NSMAF: variants seen among roughly 807,000 people sequenced by gnomAD.
NSMAF encodes protein FAN.
In NSMAF, 90 loss-of-function variants were observed where a neutral mutation model predicts 134.9. The observed-to-expected ratio is 0.67, with a 90% CI of 0.56 to 0.79. NSMAF has a LOEUF of 0.79. Ranked by LOEUF, NSMAF falls within the 30% of genes least tolerant of loss-of-function variation. The pLI is 0.00. For synonymous variants in NSMAF, 358 were observed against 389.6 expected (o/e 0.92, Z 0.96); for missense variants, 1,010 against 1,119.0 (o/e 0.90, Z 1.39).
At chr8:58,654,216 G>A (rs1807650279) in intron 1 of NSMAF, among the ~76,000 whole-genome samples, 1 of 152,142 alleles carries the variant, frequency 6.6e-6, no homozygotes, top group African/African-American at 2.4e-5. Context: ...AGATTAAACC[G>A]AAGTACCACA....
chr8:58,652,629 C>T (rs944590913), intron 1 of NSMAF, among the ~76,000 whole-genome samples: 1 of 152,202 alleles, frequency 6.6e-6, no homozygotes, highest in Non-Finnish European at 1.5e-5. Context: ...AGCCAGGTAG[C>T]TGAACGTTAC....
intron 1 of NSMAF, 137 bp from the exon 2 acceptor site, chr8:58,643,210 C>T (rs1024508561): frequency 1.5e-6 from 1 of 673,862 alleles, no homozygotes; most frequent in African/African-American, 1.8e-5. Context: ...GTATATCATG[C>T]CAGGCAGTCC....
At chr8:58,608,132 T>C (rs1806449728) in intron 10 of NSMAF, among the ~76,000 whole-genome samples, 1 of 152,218 alleles carries the variant, frequency 6.6e-6, no homozygotes, top group Non-Finnish European at 1.5e-5. Context: ...TGGGGTGATA[T>C]CTTTCAGGTT....
At chr8:58,631,275 T>A (rs1807051333) in intron 6 of NSMAF, 1 of 350,346 alleles carries the variant, frequency 2.9e-6, no homozygotes, top group Non-Finnish European at 5.3e-6. Flanking sequence ...ATTTGGGTGT[T>A]TTTTTTTTAG....
chr8:58,654,714 G>A (rs1318388782), intron 1 of NSMAF, among the ~76,000 whole-genome samples: 1 of 152,188 alleles, frequency 6.6e-6, no homozygotes, highest in Non-Finnish European at 1.5e-5. Flanking sequence ...CCATCCTTGA[G>A]TGGAAATCTG....
chr8:58,657,769 G>A (rs1053233148), intron 1 of NSMAF, among the ~76,000 whole-genome samples: 2 of 152,174 alleles, frequency 1.3e-5, no homozygotes, highest in Non-Finnish European at 2.9e-5. Context: ...AACACATGGC[G>A]CCAACTTTTT....
At chr8:58,628,743 T>C (rs1346949550) in intron 6 of NSMAF, among the ~76,000 whole-genome samples, 2 of 152,198 alleles carry the variant, frequency 1.3e-5, no homozygotes, top group Non-Finnish European at 2.9e-5. Flanking sequence ...TCTGAGCTTT[T>C]GTTTATCTGG....
intron 5 of NSMAF, among the ~76,000 whole-genome samples, chr8:58,632,804 TTAAATCTCACATCC>T (rs1167462963): frequency 6.6e-6 from 1 of 152,158 alleles, no homozygotes; most frequent in East Asian, 1.9e-4. Context: ...CATGGCCATC[TTAAATCTCACATCC>T]TACTTGAAGC....
At chr8:58,635,116 C>A (rs1337280320) in intron 5 of NSMAF, 73 bp downstream of exon 5, 3 of 1,113,026 alleles carry the variant, frequency 2.7e-6, no homozygotes, top group Non-Finnish European at 4.1e-6. Context: ...GATATCTCTA[C>A]AAGTAATTTC....
chr8:58,618,004 CT>C (rs1036604926), intron 9 of NSMAF, among the ~76,000 whole-genome samples: 20 of 152,114 alleles, frequency 1.3e-4, no homozygotes, highest in African/African-American at 4.8e-4. Flanking sequence ...AGTTCATGTC[CT>C]TTGCAGGGAC....
At chr8:58,652,269 G>A (rs1161883753) in intron 1 of NSMAF, among the ~76,000 whole-genome samples, 1 of 152,166 alleles carries the variant, frequency 6.6e-6, no homozygotes, top group Non-Finnish European at 1.5e-5. Flanking sequence ...AACAATATTG[G>A]TTTGTTGCAG....
At chr8:58,636,092 T>G (rs1421553095) in intron 2 of NSMAF, among the ~76,000 whole-genome samples, 1 of 152,248 alleles carries the variant, frequency 6.6e-6, no homozygotes, top group Non-Finnish European at 1.5e-5. Flanking sequence ...AGTTGTTAAC[T>G]GCATTTACTT....
chr8:58,635,064 G>A (rs1807138132), intron 5 of NSMAF, 125 bp downstream of exon 5: 1 of 755,760 alleles, frequency 1.3e-6, no homozygotes, highest in Non-Finnish European at 2.2e-6. Context: ...CTCAATGACT[G>A]AATTCTAAAA....
intron 1 of NSMAF, among the ~76,000 whole-genome samples, chr8:58,650,909 C>T (rs1052449354): frequency 6.6e-5 from 10 of 152,204 alleles, no homozygotes; most frequent in Non-Finnish European, 1.0e-4. Context: ...CCCATTTACA[C>T]CAGGTACACA....
At chr8:58,594,515 C>G (rs1213445510) in intron 22 of NSMAF, 1 of 552,776 alleles carries the variant, frequency 1.8e-6, no homozygotes, top group African/African-American at 1.9e-5. Context: ...TCTTTGCTTC[C>G]CTGTGTTCCA....
intron 26 of NSMAF, chr8:58,588,682 C>G (rs1805951183): frequency 6.5e-7 from 1 of 1,541,368 alleles, no homozygotes; most frequent in South Asian, 1.1e-5. Flanking sequence ...GGGCATGCAT[C>G]GGGCACAGTT....
chr8:58,601,422 G>T, intron 15 of NSMAF, 23 bp downstream of exon 15: 1 of 1,611,204 alleles, frequency 6.2e-7, no homozygotes, highest in South Asian at 1.1e-5. Flanking sequence ...AATTTAATTG[G>T]GGGTAATGAT....
intron 14 of NSMAF, 137 bp downstream of exon 14, chr8:58,601,921 G>A (rs986652512): frequency 6.4e-5 from 42 of 660,874 alleles, no homozygotes; most frequent in African/African-American, 6.3e-4. Flanking sequence ...ACGGTCAGGA[G>A]AAAAGTAAGA....
rs1351606385 is a variant in NSMAF, at chr8:58,587,665, T to C, written c.2248A>G (p.Lys750Glu). The change falls in exon 27 of 31, where the codon AAA (lysine) becomes GAA (glutamate). Residue 750 changes from lysine to glutamate, a missense_variant. Lys to Glu is a moderately conservative substitution (Grantham distance 56, BLOSUM62 1). Transcript: ENST00000038176. The part of the protein sequence containing the change: ...SGVPAEMPGT[K>E]RHHFDLLAEL... ...GCCAGCAAGTCAAAGTGGTGTCTTT[T>C]GGTGCCTGGCATCTCTGCAGGAACA... The C allele has an allele frequency of 6.2e-7, 1 of 1,614,222 alleles. No homozygotes were observed. Among genetic ancestry groups the C allele is most frequent in the East Asian group, 2.2e-5 (1 of 44,882 alleles).
Sources: allele counts gnomAD v4.1 joint callset (sites outside exome capture counted in the v4.1 genomes callset), GRCh38; gene constraint gnomAD v4.1.1; transcripts MANE v1.5; gene names NCBI Gene and HGNC (gene_info 2026-07-23, HGNC 2026-07-21).